FANCC: variants seen among roughly 807,000 people sequenced by gnomAD.
FANCC encodes the protein FA complementation group C.
FANCC carries 55 observed loss-of-function variants against 71.3 expected under a neutral mutation model. The observed-to-expected ratio is 0.77, with a 90% confidence interval of 0.62 to 0.97. FANCC has a LOEUF of 0.97. Ranked by LOEUF, FANCC falls within the 50% of genes least tolerant of loss-of-function variation. The probability of loss-of-function intolerance (pLI) is 0.00; values close to 1 mark genes in which losing one functional copy is unlikely to be tolerated. For missense variants in FANCC, 678 were observed against 670.9 expected, an observed-to-expected ratio of 1.01 and a Z score of -0.12; for synonymous variants, 275 against 244.9, an observed-to-expected ratio of 1.12 and a Z score of -1.15.
intron 14 of FANCC, among the ~76,000 whole-genome samples, chr9:95,105,715 A>C (rs1004362984): frequency 2.6e-5 from 4 of 152,108 alleles, no homozygotes; most frequent in Non-Finnish European, 5.9e-5. Flanking sequence ...CAGGTGCCTC[A>C]CCTAAGTGAC....
At chr9:95,173,197 A>T (rs1004857964) in intron 4 of FANCC, among the ~76,000 whole-genome samples, 2 of 152,182 alleles carry the variant, frequency 1.3e-5, no homozygotes, top group African/African-American at 4.8e-5. Flanking sequence ...GGTTCTATGA[A>T]ACATGTACTC....
chr9:95,150,056 G>T lies in FANCC; in HGVS notation c.553C>A (p.Arg185=). 1 of 1,614,070 alleles carries T rather than the reference G, an allele frequency of 6.2e-7. No homozygotes were observed. Among genetic ancestry groups the T allele is most frequent in the Non-Finnish European group, 8.5e-7 (1 of 1,180,016 alleles). ...MAPERVASLS[R]VCVPLITLTD... is the part of the protein sequence containing the mutation. ...AGGGTAATAAGTGGGACACAAACTCGTGACAGGGACGCCACTCGCTCGGGA... is the reference window on the plus strand; with the variant it reads ...AGGGTAATAAGTGGGACACAAACTCTTGACAGGGACGCCACTCGCTCGGGA... Residue 185 remains arginine, a synonymous_variant, in exon 7 of 15, where the codon CGA becomes AGA. Transcript: ENST00000289081.
intron 1 of FANCC, among the ~76,000 whole-genome samples, chr9:95,281,327 G>A (rs1833372934): frequency 6.6e-6 from 1 of 151,882 alleles, no homozygotes; most frequent in Non-Finnish European, 1.5e-5. Flanking sequence ...TTATAAGGGA[G>A]TACTAATATG....
intron 14 of FANCC, 91 bp downstream of exon 14, chr9:95,106,975 A>G: frequency 7.9e-7 from 1 of 1,258,482 alleles, no homozygotes; most frequent in Non-Finnish European, 1.1e-6. Flanking sequence ...TGGTACACAC[A>G]CTGTGCAGAG....
intron 1 of FANCC, among the ~76,000 whole-genome samples, chr9:95,265,817 A>G (rs182412830): frequency 5.4e-4 from 82 of 152,324 alleles, no homozygotes; most frequent in Non-Finnish European, 9.6e-4. Context: ...AGAGCTCTGA[A>G]AATCACTGCA....
chr9:95,218,939 T>C (rs1256982039), intron 4 of FANCC, among the ~76,000 whole-genome samples: 1 of 152,208 alleles, frequency 6.6e-6, no homozygotes, highest in African/African-American at 2.4e-5. Flanking sequence ...CTGAAAACGA[T>C]AGGAAATGTC....
intron 6 of FANCC, among the ~76,000 whole-genome samples, chr9:95,167,476 G>C (rs1810634913): frequency 6.6e-6 from 1 of 152,008 alleles, no homozygotes; most frequent in African/African-American, 2.4e-5. Context: ...AAGTGTCTTA[G>C]GCTTTCTTGA....
chr9:95,185,182 C>T (rs1203309444), intron 4 of FANCC, among the ~76,000 whole-genome samples: 5 of 152,182 alleles, frequency 3.3e-5, no homozygotes, highest in Non-Finnish European at 7.3e-5. Flanking sequence ...TTTCAGTCTC[C>T]TATTTCTTTG....
At chr9:95,215,230 G>A (rs1828784359) in intron 4 of FANCC, among the ~76,000 whole-genome samples, 1 of 152,090 alleles carries the variant, frequency 6.6e-6, no homozygotes, top group Non-Finnish European at 1.5e-5. Context: ...TGCATCTGAG[G>A]ATGCAAAGAA....
intron 8 of FANCC, among the ~76,000 whole-genome samples, chr9:95,134,077 T>C (rs963194336): frequency 1.3e-5 from 2 of 152,188 alleles, no homozygotes; most frequent in African/African-American, 2.4e-5. Context: ...TCAGGTGGGA[T>C]CCGTGTGTGC....
chr9:95,223,971 C>T (rs1829448828), intron 4 of FANCC, among the ~76,000 whole-genome samples: 1 of 152,168 alleles, frequency 6.6e-6, no homozygotes, highest in South Asian at 2.1e-4. Context: ...GAGTGAAACT[C>T]CGTCTCAAGG....
chr9:95,257,315 C>T (rs937934820), intron 1 of FANCC, among the ~76,000 whole-genome samples: 17 of 152,068 alleles, frequency 1.1e-4, no homozygotes, highest in Non-Finnish European at 1.5e-4. Flanking sequence ...TGCAAAAGAA[C>T]GGAAATCATA....
At chr9:95,147,176 A>G (rs1829675745) in intron 7 of FANCC, among the ~76,000 whole-genome samples, 1 of 152,186 alleles carries the variant, frequency 6.6e-6, no homozygotes, top group African/African-American at 2.4e-5. Context: ...GGCTTTAAAA[A>G]TGAGGATTAA....
chr9:95,177,692 T>C (rs570890489), intron 4 of FANCC, among the ~76,000 whole-genome samples: 4 of 152,332 alleles, frequency 2.6e-5, no homozygotes, highest in Admixed American at 6.5e-5. Context: ...TAAACTTTTT[T>C]GTTAAAAACT....
chr9:95,248,994 A>G, intron 2 of FANCC, 133 bp downstream of exon 2: 1 of 850,734 alleles, frequency 1.2e-6, no homozygotes, highest in Non-Finnish European at 1.9e-6. Flanking sequence ...CTCTTGAGTA[A>G]TTTGTCTTCC....
chr9:95,170,679 T>TGTG (rs1554842441), intron 6 of FANCC, among the ~76,000 whole-genome samples: 30 of 144,766 alleles, frequency 2.1e-4, no homozygotes, highest in East Asian at 6.0e-4. Flanking sequence ...TGTGTGTGTG[T>TGTG]TGGGAGCAGA....
Position 95,111,517 on chromosome 9 carries a change from G to A in FANCC, c.1275C>T (p.Leu425=), listed in dbSNP as rs767126985. The change falls in exon 13 of 15, where the codon CTC becomes CTT. Residue 425 remains leucine, a synonymous_variant. Transcript: ENST00000289081. ...AAEPPTALLW[L]LAFYYGPRDG... Reference sequence around the variant, plus strand: ...CACGGGGGCCGTAGTAGAAGGCCAAGAGCCACAGCAGGGCCGTGGGGGGTT... The same window carrying A: ...CACGGGGGCCGTAGTAGAAGGCCAAAAGCCACAGCAGGGCCGTGGGGGGTT... 1 of 1,614,148 alleles carries A rather than the reference G, an allele frequency of 6.2e-7. No homozygotes were observed. The highest frequency in any genetic ancestry group is 2.2e-5 in the East Asian group (1 of 44,862).
chr9:95,202,146 T>C (rs1827846568), intron 4 of FANCC, among the ~76,000 whole-genome samples: 1 of 152,204 alleles, frequency 6.6e-6, no homozygotes, highest in East Asian at 1.9e-4. Flanking sequence ...AACTGCTGTA[T>C]TAAGCTCGGA....
intron 4 of FANCC, among the ~76,000 whole-genome samples, chr9:95,230,650 T>C (rs1221060520): frequency 6.6e-6 from 1 of 151,922 alleles, no homozygotes; most frequent in South Asian, 2.1e-4. Flanking sequence ...TCGCAGTGAG[T>C]GTTACAGCTC....
Sources: gnomAD v4.1 joint callset for allele counts (sites outside exome capture counted in the v4.1 genomes callset) on GRCh38, gnomAD v4.1.1 for gene constraint, MANE v1.5 for transcripts, NCBI Gene and HGNC (gene_info 2026-07-23, HGNC 2026-07-21) for gene names.